Variants in RIMS2 observed in about 807,000 individuals in gnomAD.
The protein encoded by RIMS2 is regulating synaptic membrane exocytosis protein 2.
In RIMS2, 59 loss-of-function variants were observed where a neutral mutation model predicts 174.4. The ratio of observed to expected loss-of-function variants is 0.34; its 90% CI spans 0.27 to 0.42. The LOEUF is 0.42. Ranked by LOEUF, RIMS2 falls within the 10% of genes least tolerant of loss-of-function variation. The pLI is 1.00. For synonymous variants in RIMS2, 606 were observed against 572.5 expected, an observed-to-expected ratio of 1.06 and a Z score of -0.84; for missense variants, 1,620 against 1,666.3, an observed-to-expected ratio of 0.97 and a Z score of 0.48.
intron 2 of RIMS2, among the ~76,000 whole-genome samples, chr8:103,730,322 T>A (rs970409519): frequency 6.6e-6 from 1 of 152,184 alleles, no homozygotes; most frequent in Admixed American, 6.6e-5. Flanking sequence ...TTGCCTTCTA[T>A]TTCTGGGTGC....
intron 19 of RIMS2, among the ~76,000 whole-genome samples, chr8:104,108,806 G>A (rs1388721791): frequency 6.6e-6 from 1 of 152,036 alleles, no homozygotes; most frequent in Non-Finnish European, 1.5e-5. Flanking sequence ...TATTTACTCA[G>A]CTTTCTTTTA....
At chr8:103,950,385 G>T (rs940576634) in intron 14 of RIMS2, among the ~76,000 whole-genome samples, 2 of 151,882 alleles carry the variant, frequency 1.3e-5, no homozygotes, top group Admixed American at 1.3e-4. Flanking sequence ...GAAATATTTT[G>T]CAAAATAAAA....
intron 19 of RIMS2, among the ~76,000 whole-genome samples, chr8:104,059,835 T>C (rs930281394): frequency 1.3e-5 from 2 of 152,180 alleles, no homozygotes; most frequent in Admixed American, 6.5e-5. Context: ...AATCATGTGG[T>C]TTTTGTCTTT....
At chr8:103,852,435 T>A (rs1178125780) in intron 3 of RIMS2, among the ~76,000 whole-genome samples, 2 of 151,852 alleles carry the variant, frequency 1.3e-5, no homozygotes, top group Non-Finnish European at 2.9e-5. Flanking sequence ...TTTACTTTTT[T>A]TAAGATACAA....
intron 19 of RIMS2, among the ~76,000 whole-genome samples, chr8:104,137,289 T>C (rs1473854855): frequency 6.6e-6 from 1 of 152,192 alleles, no homozygotes; most frequent in Non-Finnish European, 1.5e-5. Flanking sequence ...ATATACATAA[T>C]AATTAGAGTC....
At chr8:103,623,653 T>TA (rs1369493255) in intron 1 of RIMS2, among the ~76,000 whole-genome samples, 2 of 99,854 alleles carry the variant, frequency 2.0e-5, no homozygotes, top group African/African-American at 8.9e-5. Context: ...CCCGGCTAAT[T>TA]TTTTTTTTTG....
At chr8:104,042,180 A>T (rs766797683) in intron 19 of RIMS2, among the ~76,000 whole-genome samples, 9 of 151,540 alleles carry the variant, frequency 5.9e-5, no homozygotes, top group Non-Finnish European at 1.0e-4. Flanking sequence ...GAGGATGGAT[A>T]TTAGTTCAAG....
intron 1 of RIMS2, among the ~76,000 whole-genome samples, chr8:103,502,855 G>A (rs192129547): frequency 8.8e-4 from 134 of 152,052 alleles, no homozygotes; most frequent in African/African-American, 3.0e-3. Context: ...GTTCACTGTA[G>A]TTCTAAGTTT....
intron 19 of RIMS2, among the ~76,000 whole-genome samples, chr8:104,196,697 G>C (rs1294269127): frequency 6.6e-6 from 1 of 152,040 alleles, no homozygotes; most frequent in Admixed American, 6.6e-5. Context: ...GAAGTCCAAA[G>C]TTTATAAGCT....
At chr8:103,828,136 G>A (rs934154036) in intron 3 of RIMS2, among the ~76,000 whole-genome samples, 1 of 152,096 alleles carries the variant, frequency 6.6e-6, no homozygotes, top group Non-Finnish European at 1.5e-5. Flanking sequence ...CTATGTTCAT[G>A]AGAGATTTTA....
At chr8:104,034,654 G>C (rs981516410) in intron 19 of RIMS2, among the ~76,000 whole-genome samples, 1 of 151,598 alleles carries the variant, frequency 6.6e-6, no homozygotes, top group Non-Finnish European at 1.5e-5. Flanking sequence ...ATTTTTAGTA[G>C]AGACGGGGTT....
At chr8:104,188,014 T>A (rs1487120876) in intron 19 of RIMS2, among the ~76,000 whole-genome samples, 1 of 151,596 alleles carries the variant, frequency 6.6e-6, no homozygotes, top group African/African-American at 2.4e-5. Flanking sequence ...CCTCAGGGAG[T>A]TGGGCTGCAG....
intron 3 of RIMS2, among the ~76,000 whole-genome samples, chr8:103,809,955 A>C (rs2098676266): frequency 1.3e-5 from 2 of 152,206 alleles, no homozygotes; most frequent in African/African-American, 4.8e-5. Flanking sequence ...GATGAAGCAG[A>C]AGGCATTTGG....
chr8:103,592,013 A>T (rs1184063564), intron 1 of RIMS2, among the ~76,000 whole-genome samples: 2 of 151,236 alleles, frequency 1.3e-5, no homozygotes, highest in Non-Finnish European at 3.0e-5. Flanking sequence ...TAACAATATT[A>T]GAACTTCCAA....
chr8:104,145,481 AAAAC>A lies in RIMS2; in HGVS notation c.3335-99434_3335-99431del, dbSNP rs543595100. On this transcript the variant is annotated intron_variant, in intron 19 of 23. Transcript: ENST00000504942. The stretch of plus-strand genomic sequence containing the variant: ...AAGTATTTCATAAATCAAGACTCCC[AAAAC>A]TTTAAACACTTTTTCAAAAATCAAG... Among the ~76,000 whole-genome samples the A allele has an allele frequency of 5.9e-4, 89 of 151,456 alleles. 1 individual carries two copies. In the South Asian group the frequency reaches 0.013, roughly 22 times the overall value.
intron 4 of RIMS2, among the ~76,000 whole-genome samples, chr8:103,896,777 C>G (rs1422573538): frequency 1.3e-5 from 2 of 151,576 alleles, no homozygotes; most frequent in Non-Finnish European, 2.9e-5. Flanking sequence ...GATTCTGAAC[C>G]AGTGCACCTA....
At chr8:103,666,826 T>C (rs1049214406) in intron 1 of RIMS2, among the ~76,000 whole-genome samples, 3 of 152,158 alleles carry the variant, frequency 2.0e-5, no homozygotes, top group African/African-American at 7.2e-5. Flanking sequence ...GCTTAGGGCA[T>C]TAGCACTACT....
chr8:104,061,771 A>G (rs187304426), intron 19 of RIMS2, among the ~76,000 whole-genome samples: 147 of 152,026 alleles, frequency 9.7e-4, no homozygotes, highest in African/African-American at 3.4e-3. Context: ...TTATGGATGC[A>G]TTGTATTCTA....
chr8:103,848,180 A>G (rs545277069), intron 3 of RIMS2, among the ~76,000 whole-genome samples: 31 of 152,018 alleles, frequency 2.0e-4, no homozygotes, highest in Non-Finnish European at 3.7e-4. Context: ...ATGGATAACC[A>G]GGTTGTGAAC....
Sources: allele counts gnomAD v4.1 joint callset (sites outside exome capture counted in the v4.1 genomes callset), GRCh38; gene constraint gnomAD v4.1.1; transcripts MANE v1.5; gene names NCBI Gene and HGNC (gene_info 2026-07-23, HGNC 2026-07-21).